Variants in HEXA observed in about 807,000 individuals in gnomAD.
HEXA encodes hexosaminidase subunit alpha.
In HEXA, 54 loss-of-function variants were observed where a neutral mutation model predicts 73.3. That is an observed-to-expected ratio of 0.74 (90% CI 0.59 to 0.92). HEXA has a LOEUF of 0.92. HEXA is among the 40% of genes least tolerant of loss of function. HEXA has a pLI of 0.00. For missense variants in HEXA, 649 were observed against 653.0 expected, an observed-to-expected ratio of 0.99 and a Z score of 0.07; for synonymous variants, 230 against 246.9, an observed-to-expected ratio of 0.93 and a Z score of 0.64.
Position 72,362,300 on chromosome 15 carries a change from A to G in HEXA, c.254-5683T>C, listed in dbSNP as rs1215093226. The stretch of plus-strand genomic sequence containing the variant: ...CTTTCCTAAGAAACCCTCCTATGTG[A>G]TCATGCAGCAATGTATACATACATT... On this transcript the variant is annotated intron_variant, in intron 1 of 13. Transcript: ENST00000268097. 5 of 270,022 alleles carry G rather than the reference A, an allele frequency of 1.9e-5. No homozygotes were observed. The East Asian group carries it at 5.8e-4, about 31-fold the overall frequency. 16.7% of individuals were successfully genotyped at this position (270,022 alleles called of 1,614,324 possible).
chr15:72,361,593 T>C (rs1195768514), intron 1 of HEXA, among the ~76,000 whole-genome samples: 2 of 152,192 alleles, frequency 1.3e-5, no homozygotes, highest in Non-Finnish European at 2.9e-5. Flanking sequence ...TCCTCCTGGC[T>C]GATCCTCTCT....
rs779456035 is a variant in HEXA at position 72,348,052 on chromosome 15, G to A, written c.1069C>T (p.Gln357Ter). ...CCACCCTCCTTCCTTCCTCACGTCTGGATGTAGAAGGACTCCAGCTGCTTG... is the reference window on the plus strand; with the variant it reads ...CCACCCTCCTTCCTTCCTCACGTCTAGATGTAGAAGGACTCCAGCTGCTTG... ...DFKQLESFYIQTLLDIVSSYG... is the reference protein window; with the variant it reads ...DFKQLESFYI Residue 357 changes from glutamine (Q) to a stop codon, truncating the protein, a stop_gained, in exon 9 of 14, where the codon CAG becomes TAG. Transcript: ENST00000268097. LOFTEE classifies it high-confidence loss of function. 6.2e-7 allele frequency: 1 copy of A among 1,605,712 alleles called. No homozygotes were observed. Among genetic ancestry groups the A allele is most frequent in the Non-Finnish European group, 8.5e-7 (1 of 1,172,398 alleles).
At chr15:72,355,800 G>A (rs1268264876) in intron 2 of HEXA, 176 bp from the exon 3 acceptor site, 1 of 636,300 alleles carries the variant, frequency 1.6e-6, no homozygotes, top group African/African-American at 1.8e-5. Flanking sequence ...GGATGGCCTG[G>A]TCTGGGGCCA....
At chr15:72,347,645 GGC>G in intron 10 of HEXA, 39 bp downstream of exon 10, 1 of 1,497,536 alleles carries the variant, frequency 6.7e-7, no homozygotes, top group Non-Finnish European at 9.3e-7. Context: ...ACCAGAGGGA[GGC>G]ACTGCTGGTG....
At chr15:72,346,172 G>T in intron 12 of HEXA, 63 bp downstream of exon 12, 1 of 1,208,134 alleles carries the variant, frequency 8.3e-7, no homozygotes, top group Non-Finnish European at 1.2e-6. Context: ...ATGGGATTGG[G>T]TCTCTAAGGG....
chr15:72,356,603 G>C lies in HEXA; in HGVS notation c.268C>G (p.Leu90Val). The change falls in exon 2 of 14, where the codon CTG becomes GTG. Residue 90 changes from leucine (L) to valine (V), a missense_variant. By Grantham distance (32) the Leu-to-Val change is conservative (BLOSUM62 1). Transcript: ENST00000268097. ...RPYLTGKRHTLEKNVLVVSVV... is the reference protein window; with the variant it reads ...RPYLTGKRHTVEKNVLVVSVV... The stretch of plus-strand genomic sequence containing the variant: ...GAGACAACCAACACATTCTTCTCCA[G>C]TGTATGCCGTTTCCCTAGGAAGACA... 5.6e-6 allele frequency: 9 copies of C among 1,614,100 alleles called. No individual in the cohort carries two copies. Among genetic ancestry groups the C allele is most frequent in the Non-Finnish European group, 6.8e-6 (8 of 1,179,970 alleles).
chr15:72,346,689 G>C lies in HEXA; in HGVS notation c.1168C>G (p.Gln390Glu), dbSNP rs988192535. Residue 390 changes from glutamine to glutamate, a missense_variant, in exon 11 of 14, where the codon CAG becomes GAG. Transcript: ENST00000268097. ...ACTGGAATATCCTCTCGCCACACCT[G>C]TATGATTGTGTCTGGCTGAATCTGT... Reference protein sequence around the residue: ...KVKIQPDTIIQVWREDIPVNY... With the variant: ...KVKIQPDTIIEVWREDIPVNY... The C allele has an allele frequency of 1.2e-6, 2 of 1,614,114 alleles. No homozygotes were observed. Among genetic ancestry groups the C allele is most frequent in the African/African-American group, 2.7e-5 (2 of 75,048 alleles).
At chr15:72,373,541 C>T (rs766385658) in intron 1 of HEXA, among the ~76,000 whole-genome samples, 1 of 152,186 alleles carries the variant, frequency 6.6e-6, no homozygotes, top group African/African-American at 2.4e-5. Flanking sequence ...AATGAACTTA[C>T]AGGAAGGTAA....
At chr15:72,375,085 T>TTGTTTGG in intron 1 of HEXA, among the ~76,000 whole-genome samples, 1 of 137,206 alleles carries the variant, frequency 7.3e-6, no homozygotes, top group South Asian at 2.5e-4. Context: ...TTGTTTTGTT[T>TTGTTTGG]GGGGGGGGGG....
At position 72,344,116 on chromosome 15, in the gene HEXA, G is replaced by C. The variant is rs769119115; in HGVS notation, c.1551C>G (p.Leu517=). The change falls in exon 14 of 14, where the codon CTC becomes CTG. Residue 517 remains leucine, a synonymous_variant. Transcript: ENST00000268097. The part of the protein sequence containing the change: ...LLRRGVQAQP[L]NVGFCEQEFE... Reference sequence around the variant, plus strand: ...ACTCCTGCTCACAGAAGCCTACATTGAGGGGTTGGGCCTGGACACCTCGCC... The same window carrying C: ...ACTCCTGCTCACAGAAGCCTACATTCAGGGGTTGGGCCTGGACACCTCGCC... 1 of 1,613,880 alleles carries C rather than the reference G, an allele frequency of 6.2e-7. No individual in the cohort carries two copies. The highest frequency in any genetic ancestry group is 1.1e-5 in the South Asian group (1 of 91,076).
chr15:72,345,295 T>C, intron 13 of HEXA, 151 bp downstream of exon 13: 1 of 1,460,656 alleles, frequency 6.8e-7, no homozygotes, highest in Non-Finnish European at 9.2e-7. Context: ...TGAATACTTT[T>C]TATCGCAGTT....
chr15:72,362,008 A>G (rs2088858086), intron 1 of HEXA, among the ~76,000 whole-genome samples: 1 of 152,212 alleles, frequency 6.6e-6, no homozygotes, highest in South Asian at 2.1e-4. Flanking sequence ...AAATCTTCCA[A>G]TGGCTCCCAT....
chr15:72,366,583 T>C (rs2088919272), intron 1 of HEXA, among the ~76,000 whole-genome samples: 1 of 152,136 alleles, frequency 6.6e-6, no homozygotes, highest in African/African-American at 2.4e-5. Flanking sequence ...AGTGCTGGGA[T>C]TACAGGTGTG....
At chr15:72,353,962 TAGTGCCCTTCCTTA>T in intron 3 of HEXA, 1 of 611,424 alleles carries the variant, frequency 1.6e-6, no homozygotes, top group Non-Finnish European at 2.9e-6. Flanking sequence ...GTAAGGGTTT[TAGTGCCCTTCCTTA>T]CAACATACTA....
chr15:72,349,333 A>T lies in HEXA; in HGVS notation c.806-74T>A, dbSNP rs1432661527. The T allele has an allele frequency of 5.1e-6, 6 of 1,172,392 alleles. No individual in the cohort carries two copies. The Admixed American group carries it at 8.5e-5, about 17-fold the overall frequency. The allele number at this position is 1,172,392 out of a possible 1,614,324, so 72.6% of individuals were successfully genotyped here. On this transcript the variant is annotated intron_variant, in intron 7 of 13. Coordinates refer to ENST00000268097, the MANE Select transcript of HEXA (RefSeq NM_000520.6). ...CACGCACAGTCCTACACGTAAGGAC[A>T]CGAGTCACACAAAGCAAGACAAGTG...
chr15:72,344,117 A>AG lies in HEXA; in HGVS notation c.1549dup (p.Leu517ProfsTer7), dbSNP rs1555472161. The AG allele has an allele frequency of 6.2e-7, 1 of 1,613,706 alleles. No individual in the cohort carries two copies. The highest frequency in any genetic ancestry group is 1.7e-5 in the Admixed American group (1 of 59,986). ...CTCCTGCTCACAGAAGCCTACATTG[A>AG]GGGGTTGGGCCTGGACACCTCGCCT... On this transcript the variant is annotated frameshift_variant, in exon 14 of 14. Transcript: ENST00000268097. LOFTEE classifies it high-confidence loss of function.
intron 2 of HEXA, chr15:72,355,923 T>C (rs1371969076): frequency 1.9e-6 from 1 of 514,728 alleles, no homozygotes; most frequent in African/African-American, 1.9e-5. Flanking sequence ...ATGGGTCAGT[T>C]TCCACAGCAG....
At chr15:72,348,551 A>C (rs1471928631) in intron 8 of HEXA, among the ~76,000 whole-genome samples, 1 of 152,132 alleles carries the variant, frequency 6.6e-6, no homozygotes, top group Non-Finnish European at 1.5e-5. Flanking sequence ...TTTTGCTCAC[A>C]TTGTTCTCCT....
intron 1 of HEXA, chr15:72,370,699 A>AAAAAAAAAAAAG: frequency 7.6e-6 from 3 of 396,022 alleles, no homozygotes; most frequent in Non-Finnish European, 1.3e-5. Flanking sequence ...CTGTTTCTTA[A>AAAAAAAAAAAAG]AAAAAAAAAG....
Sources: allele counts gnomAD v4.1 joint callset (sites outside exome capture counted in the v4.1 genomes callset), GRCh38; gene constraint gnomAD v4.1.1; transcripts MANE v1.5; gene names NCBI Gene and HGNC (gene_info 2026-07-23, HGNC 2026-07-21).